GANC: variants seen among roughly 807,000 people sequenced by gnomAD.
GANC encodes neutral alpha-glucosidase C.
In GANC, 117 loss-of-function variants were observed where a neutral mutation model predicts 124.2. The ratio of observed to expected loss-of-function variants is 0.94; its 90% CI spans 0.81 to 1.10. GANC has a LOEUF of 1.10. GANC is among the 50% of genes least tolerant of loss of function. The probability of loss-of-function intolerance (pLI) is 0.00; values close to 1 mark genes in which losing one functional copy is unlikely to be tolerated. For synonymous variants in GANC, 377 were observed against 376.8 expected, an observed-to-expected ratio of 1.00 and a Z score of -0.01; for missense variants, 1,140 against 1,095.0, an observed-to-expected ratio of 1.04 and a Z score of -0.58.
intron 1 of GANC, among the ~76,000 whole-genome samples, chr15:42,275,035 C>T (rs536484953): frequency 6.6e-6 from 1 of 152,160 alleles, no homozygotes; most frequent in African/African-American, 2.4e-5. Flanking sequence ...GTTAATTCTT[C>T]GAAGCTGTAA....
Position 42,339,554 on chromosome 15 carries a change from C to T in GANC, c.1844-115C>T, listed in dbSNP as rs2052313088. The T allele has an allele frequency of 2.4e-6, 3 of 1,232,312 alleles. No individual in the cohort carries two copies. In the East Asian group the frequency reaches 7.0e-5, roughly 29 times the overall value. 76.3% of individuals were successfully genotyped at this position (1,232,312 alleles called of 1,614,324 possible). ...GTTTGAGGCCACGGCTTTATCCTGT[C>T]ATTTGAAGTGCATATACTGCACTTT... is the stretch of plus-strand genomic sequence containing the variant. On this transcript the variant is annotated intron_variant, in intron 16 of 23. Transcript: ENST00000318010.
In GANC at chr15:42,343,371, G is replaced by T. The variant is rs2052341487; in HGVS notation, c.2229+217G>T. The T allele has an allele frequency of 1.1e-5, 6 of 527,644 alleles. No homozygotes were observed. In the East Asian group the frequency reaches 1.6e-4, roughly 14 times the overall value. The allele number at this position is 527,644 out of a possible 1,614,324, so 32.7% of individuals were successfully genotyped here. A position where few individuals can be genotyped will look rare whatever the true frequency, so the allele number is the denominator to read the frequency against. On this transcript the variant is annotated intron_variant, in intron 19 of 23. Coordinates refer to ENST00000318010, the MANE Select transcript of GANC (RefSeq NM_198141.3). ...ATGAATTGGTGAGGATTCCAAGGAG[G>T]ATCAGAATGATTTTTAGTCTTCACA... is the stretch of plus-strand genomic sequence containing the variant.
In GANC at chr15:42,352,053, T is replaced by A; in HGVS notation, c.2659T>A (p.Phe887Ile). The A allele has an allele frequency of 6.2e-7, 1 of 1,614,140 alleles. No homozygotes were observed. Residue 887 changes from phenylalanine (F) to isoleucine (I), a missense_variant, in exon 24 of 24, where the codon TTT becomes ATT. By Grantham distance (21) the Phe-to-Ile change is conservative. Coordinates refer to ENST00000318010, the MANE Select transcript of GANC (RefSeq NM_198141.3). Reference sequence around the variant, plus strand: ...AGATGGTAAAGATCAGCCTGTGGCTTTTACGTATTGTGCCAAAACATCCAT... The same window carrying A: ...AGATGGTAAAGATCAGCCTGTGGCTATTACGTATTGTGCCAAAACATCCAT... ...SSDGKDQPVAFTYCAKTSILS... is the reference protein window; with the variant it reads ...SSDGKDQPVAITYCAKTSILS...
rs578220746 is a variant in GANC, at chr15:42,273,410, T to C, written c.-1072T>C. The C allele has an allele frequency of 1.4e-5, 23 of 1,613,764 alleles. No homozygotes were observed. The South Asian group carries it at 2.1e-4, about 15-fold the overall frequency. ...GCAGCCGCCGCCATCTTCACAGCCGTGGAGTGCCTACCGAAAGCATTTCAC... is the reference window on the plus strand; with the variant it reads ...GCAGCCGCCGCCATCTTCACAGCCGCGGAGTGCCTACCGAAAGCATTTCAC... On this transcript the variant is annotated 5_prime_UTR_variant, in exon 1 of 24. Coordinates refer to ENST00000318010, the MANE Select transcript of GANC (RefSeq NM_198141.3).
At chr15:42,279,211 G>T (rs1566948241) in intron 3 of GANC, among the ~76,000 whole-genome samples, 1 of 152,134 alleles carries the variant, frequency 6.6e-6, no homozygotes, top group South Asian at 2.1e-4. Context: ...AATGAAGTCT[G>T]GAAAATCACT....
intron 7 of GANC, among the ~76,000 whole-genome samples, chr15:42,307,897 C>G (rs937814992): frequency 6.6e-6 from 1 of 151,970 alleles, no homozygotes. Flanking sequence ...AGGAAAATTT[C>G]GATTAGGAAA....
At chr15:42,346,838 C>G (rs2052369505) in intron 20 of GANC, among the ~76,000 whole-genome samples, 1 of 152,140 alleles carries the variant, frequency 6.6e-6, no homozygotes, top group South Asian at 2.1e-4. Flanking sequence ...TCTTTCTACA[C>G]CTGAATTACA....
chr15:42,297,551 T>C, intron 5 of GANC, 60 bp from the exon 6 acceptor site: 2 of 1,313,160 alleles, frequency 1.5e-6, no homozygotes, highest in Non-Finnish European at 1.1e-6. Flanking sequence ...ATCTTTATCA[T>C]TGAACAAAAT....
Position 42,321,990 on chromosome 15 carries a change from G to T in GANC, c.1263G>T (p.Met421Ile). 6.2e-7 allele frequency: 1 copy of T among 1,613,524 alleles called. No homozygotes were observed. Among genetic ancestry groups the T allele is most frequent in the Non-Finnish European group, 8.5e-7 (1 of 1,179,732 alleles). The change falls in exon 11 of 24, where the codon ATG becomes ATT. Residue 421 changes from methionine (M) to isoleucine (I), a missense_variant. Physicochemically the swap from Met to Ile is conservative, Grantham distance 10 (BLOSUM62 1). Transcript: ENST00000318010. ...DKNRFPNPKR[M>I]QELLRSKKRK... ...ACAGATTCCCAAACCCCAAGAGGAT[G>T]CAAGAGCTGCTCAGGAGCAAAAAGC...
At chr15:42,283,769 C>T (rs1354163170) in intron 3 of GANC, 5 of 702,414 alleles carry the variant, frequency 7.1e-6, no homozygotes, top group South Asian at 1.5e-5. Flanking sequence ...GCAGATAAGG[C>T]ACAACTACCG....
At chr15:42,281,147 C>T (rs963927248) in intron 3 of GANC, 3 of 701,798 alleles carry the variant, frequency 4.3e-6, no homozygotes, top group African/African-American at 3.5e-5. Context: ...TTAGAAATAT[C>T]AGAACCACAT....
chr15:42,327,514 A>T, intron 13 of GANC, 72 bp downstream of exon 13: 1 of 1,200,976 alleles, frequency 8.3e-7, no homozygotes, highest in Non-Finnish European at 1.2e-6. Context: ...TGATTGAATA[A>T]AACTATTCTT....
chr15:42,341,637 C>T (rs912959676), intron 18 of GANC, among the ~76,000 whole-genome samples: 1 of 151,732 alleles, frequency 6.6e-6, no homozygotes, highest in Non-Finnish European at 1.5e-5. Flanking sequence ...AATCTTGGCT[C>T]ACTGCAACCT....
At chr15:42,278,966 G>A (rs548083405) in intron 3 of GANC, among the ~76,000 whole-genome samples, 1 of 152,278 alleles carries the variant, frequency 6.6e-6, no homozygotes, top group East Asian at 1.9e-4. Flanking sequence ...CTGCACTTCA[G>A]CCTGGGTGAC....
At chr15:42,299,688 T>G (rs957670078) in intron 6 of GANC, among the ~76,000 whole-genome samples, 4 of 152,062 alleles carry the variant, frequency 2.6e-5, no homozygotes, top group Non-Finnish European at 5.9e-5. Context: ...AGGCATCACA[T>G]TACCTGACTT....
Position 42,352,541 on chromosome 15 carries a change from G to A in GANC, c.*402G>A, listed in dbSNP as rs1217740638. 2 of 1,029,714 alleles carry A rather than the reference G, an allele frequency of 1.9e-6. No homozygotes were observed. Among genetic ancestry groups the A allele is most frequent in the Non-Finnish European group, 2.3e-6 (2 of 855,878 alleles). 63.8% of individuals were successfully genotyped at this position (1,029,714 alleles called of 1,614,324 possible). ...TTGGCGCTCTGGCTGCAGCAGCTGA[G>A]TTGCTCAAGGCCAGTGTCCAAGTGG... On this transcript the variant is annotated 3_prime_UTR_variant, in exon 24 of 24. Transcript: ENST00000318010.
At chr15:42,344,715 TC>T (rs2052351136) in intron 19 of GANC, 1 of 152,190 alleles carries the variant, frequency 6.6e-6, no homozygotes, top group Non-Finnish European at 1.5e-5. Context: ...TTACTAAGGT[TC>T]CCCTGCCAAG....
At chr15:42,302,405 G>T (rs933176666) in intron 6 of GANC, among the ~76,000 whole-genome samples, 4 of 152,078 alleles carry the variant, frequency 2.6e-5, no homozygotes, top group African/African-American at 9.7e-5. Flanking sequence ...AAAAACCAGC[G>T]CAAAAGGCTG....
intron 7 of GANC, among the ~76,000 whole-genome samples, chr15:42,307,409 C>A (rs2052009102): frequency 6.7e-6 from 1 of 148,620 alleles, no homozygotes; most frequent in African/African-American, 2.5e-5. Flanking sequence ...TCATGGCTTA[C>A]TGCACCCTTG....
Sources: gnomAD v4.1 joint callset for allele counts (sites outside exome capture counted in the v4.1 genomes callset) on GRCh38, gnomAD v4.1.1 for gene constraint, MANE v1.5 for transcripts, NCBI Gene and HGNC (gene_info 2026-07-23, HGNC 2026-07-21) for gene names.